Variants in UBASH3B observed in about 807,000 individuals in gnomAD.
UBASH3B encodes ubiquitin associated and SH3 domain containing B.
UBASH3B carries 37 observed loss-of-function variants against 83.4 expected under a neutral mutation model. The ratio of observed to expected loss-of-function variants is 0.44; its 90% CI spans 0.34 to 0.58. The LOEUF is 0.58. Among genes scored for constraint, UBASH3B ranks in the 20% least tolerant of loss-of-function variants. UBASH3B has a pLI of 0.01. For synonymous variants in UBASH3B, 304 were observed against 318.3 expected, an observed-to-expected ratio of 0.96 and a Z score of 0.48; for missense variants, 657 against 827.2, an observed-to-expected ratio of 0.79 and a Z score of 2.52.
intron 1 of UBASH3B, among the ~76,000 whole-genome samples, chr11:122,725,522 C>T (rs1259565039): frequency 1.3e-5 from 2 of 148,714 alleles, no homozygotes; most frequent in Non-Finnish European, 3.0e-5. Flanking sequence ...AGAGCCCTTC[C>T]GGTGTCTGGT....
chr11:122,683,562 G>T (rs879915713), intron 1 of UBASH3B, among the ~76,000 whole-genome samples: 1 of 149,854 alleles, frequency 6.7e-6, no homozygotes, highest in Non-Finnish European at 1.5e-5. Flanking sequence ...CTGAGATTGC[G>T]CCACTGCCCT....
intron 13 of UBASH3B, 55 bp downstream of exon 13, chr11:122,808,231 C>T: frequency 7.6e-7 from 1 of 1,322,288 alleles, no homozygotes. Context: ...GAAGTCAGTA[C>T]AGTGACTGGC....
In UBASH3B at chr11:122,656,077, C is replaced by T. The variant is rs773652683; in HGVS notation, c.28C>T (p.Leu10Phe). 3.1e-6 allele frequency: 5 copies of T among 1,600,888 alleles called. No individual in the cohort carries two copies. Among genetic ancestry groups the T allele is most frequent in the South Asian group, 2.2e-5 (2 of 88,974 alleles). MAQYGHPSP[L>F]GMAAREELYS... ...GGCTCAGTACGGCCACCCCAGTCCG[C>T]TCGGCATGGCTGCGAGAGAGGAGCT... is the stretch of plus-strand genomic sequence containing the variant. Residue 10 changes from leucine (L) to phenylalanine (F), a missense_variant, in exon 1 of 14, where the codon CTC (leucine) becomes TTC (phenylalanine). By Grantham distance (22) the Leu-to-Phe change is conservative (BLOSUM62 0). Transcript: ENST00000284273.
chr11:122,702,155 G>A (rs1215492762), intron 1 of UBASH3B, among the ~76,000 whole-genome samples: 2 of 152,190 alleles, frequency 1.3e-5, no homozygotes, highest in Non-Finnish European at 2.9e-5. Flanking sequence ...GCTCAACCAA[G>A]AGGGATGGTC....
In UBASH3B at chr11:122,783,037, T is replaced by G. The variant is rs1860883298; in HGVS notation, c.602-16T>G. On this transcript the variant is annotated splice_polypyrimidine_tract_variant and intron_variant, in intron 4 of 13. Transcript: ENST00000284273. The stretch of plus-strand genomic sequence containing the variant: ...CACCACCTTTTAATTACTGACCTTT[T>G]TCTTCCTTTTTCCAGAAGTGCATGT... The G allele has an allele frequency of 4.4e-6, 7 of 1,607,736 alleles. No homozygotes were observed. The East Asian group carries it at 8.9e-5, about 20-fold the overall frequency.
At chr11:122,805,832 C>T (rs1236380778) in intron 11 of UBASH3B, among the ~76,000 whole-genome samples, 1 of 152,198 alleles carries the variant, frequency 6.6e-6, no homozygotes, top group African/African-American at 2.4e-5. Flanking sequence ...CTCTTCACCC[C>T]AACCACAGGC....
At chr11:122,797,162 G>A (rs1861171239) in intron 9 of UBASH3B, 129 bp downstream of exon 9, 1 of 1,291,124 alleles carries the variant, frequency 7.7e-7, no homozygotes, top group Non-Finnish European at 1.1e-6. Flanking sequence ...CAATTCAAAA[G>A]GAACTTACTA....
chr11:122,718,082 T>C (rs1860556678), intron 1 of UBASH3B, among the ~76,000 whole-genome samples: 1 of 152,022 alleles, frequency 6.6e-6, no homozygotes, highest in Non-Finnish European at 1.5e-5. Context: ...CTACCAAGTC[T>C]GGCTAATTTT....
chr11:122,703,543 T>C (rs1369843648), intron 1 of UBASH3B, among the ~76,000 whole-genome samples: 3 of 152,152 alleles, frequency 2.0e-5, no homozygotes, highest in Non-Finnish European at 4.4e-5. Context: ...CTGCAAGTCA[T>C]AGATTAGGTT....
At chr11:122,792,561 T>G (rs1861077836) in intron 6 of UBASH3B, among the ~76,000 whole-genome samples, 1 of 152,164 alleles carries the variant, frequency 6.6e-6, no homozygotes, top group African/African-American at 2.4e-5. Context: ...CCAGGTGATC[T>G]GCCTGCCTCG....
At position 122,678,499 on chromosome 11, in the gene UBASH3B, G is replaced by T. The variant is rs78724999; in HGVS notation, c.161+22289G>T. On this transcript the variant is annotated intron_variant, in intron 1 of 13. Coordinates refer to ENST00000284273, the MANE Select transcript of UBASH3B (RefSeq NM_032873.5). Reference sequence around the variant, plus strand: ...TGCAGCCTCTAGGAGTGAAGATGGTGAAGGCTAAATCTCTTTCCTAGGTCT... The same window carrying T: ...TGCAGCCTCTAGGAGTGAAGATGGTTAAGGCTAAATCTCTTTCCTAGGTCT... Among the ~76,000 whole-genome samples the T allele has an allele frequency of 6.0e-4, 91 of 152,362 alleles. No homozygotes were observed. The East Asian group carries it at 0.015, about 25-fold the overall frequency.
At chr11:122,722,512 G>A (rs1860657139) in intron 1 of UBASH3B, among the ~76,000 whole-genome samples, 1 of 152,224 alleles carries the variant, frequency 6.6e-6, no homozygotes, top group East Asian at 1.9e-4. Context: ...GTGCTCAGTG[G>A]CAGAAGGAAC....
rs565125981 is a variant in UBASH3B at position 122,661,442 on chromosome 11, C to T, written c.161+5232C>T. Reference sequence around the variant, plus strand: ...GATCCTCTGAGAACACTTGGCCAACCCAACATCTCTGAAATGTAGCTGACT... The same window carrying T: ...GATCCTCTGAGAACACTTGGCCAACTCAACATCTCTGAAATGTAGCTGACT... On this transcript the variant is annotated intron_variant, in intron 1 of 13. Coordinates refer to ENST00000284273, the MANE Select transcript of UBASH3B (RefSeq NM_032873.5). Among the ~76,000 whole-genome samples the T allele has an allele frequency of 4.6e-5, 7 of 152,270 alleles. No homozygotes were observed. The East Asian group carries it at 1.2e-3, about 25-fold the overall frequency.
chr11:122,701,431 C>G (rs1163684297), intron 1 of UBASH3B, among the ~76,000 whole-genome samples: 3 of 152,172 alleles, frequency 2.0e-5, no homozygotes, highest in African/African-American at 7.2e-5. Context: ...CTTGCAGTGG[C>G]AAGTTCTGCT....
At chr11:122,707,035 T>C (rs116787289) in intron 1 of UBASH3B, among the ~76,000 whole-genome samples, 1 of 152,320 alleles carries the variant, frequency 6.6e-6, no homozygotes, top group African/African-American at 2.4e-5. Flanking sequence ...CCCTTTCTAC[T>C]TTTTTTGTGA....
intron 1 of UBASH3B, among the ~76,000 whole-genome samples, chr11:122,662,324 G>C (rs1029281464): frequency 6.6e-5 from 10 of 152,202 alleles, no homozygotes; most frequent in African/African-American, 2.4e-4. Context: ...CCTGCTACAA[G>C]ACACAGTACG....
chr11:122,681,823 C>T (rs1863743340), intron 1 of UBASH3B, among the ~76,000 whole-genome samples: 1 of 152,150 alleles, frequency 6.6e-6, no homozygotes, highest in Non-Finnish European at 1.5e-5. Context: ...TGTTAGGTTA[C>T]TGAGTACTTT....
chr11:122,702,458 G>T (rs1325892574), intron 1 of UBASH3B, among the ~76,000 whole-genome samples: 1 of 151,950 alleles, frequency 6.6e-6, no homozygotes, highest in Non-Finnish European at 1.5e-5. Context: ...AGAACCCTAG[G>T]TTGCAAGAAA....
chr11:122,722,264 A>G (rs1478941652), intron 1 of UBASH3B, among the ~76,000 whole-genome samples: 2 of 152,172 alleles, frequency 1.3e-5, no homozygotes, highest in African/African-American at 4.8e-5. Flanking sequence ...CTCGCCTTGC[A>G]AGACTTTGAC....
Sources: allele counts gnomAD v4.1 joint callset (sites outside exome capture counted in the v4.1 genomes callset), GRCh38; gene constraint gnomAD v4.1.1; transcripts MANE v1.5; gene names NCBI Gene and HGNC (gene_info 2026-07-23, HGNC 2026-07-21).